ERI1: variants seen among roughly 807,000 people sequenced by gnomAD.
The protein encoded by ERI1 is 3'-5' exoribonuclease 1.
A neutral mutation model predicts 39.7 loss-of-function variants in ERI1; 39 were observed. The observed-to-expected ratio is 0.98, with a 90% CI of 0.76 to 1.28. The LOEUF (loss-of-function observed/expected upper bound fraction) is 1.28, where lower values mean the gene tolerates loss of function less well. Among genes scored for constraint, ERI1 ranks in the 50% most tolerant of loss-of-function variants. ERI1 has a pLI of 0.00. For missense variants in ERI1, 581 were observed against 416.9 expected (o/e 1.39, Z -3.43); for synonymous variants, 204 against 149.6 (o/e 1.36, Z -2.65).
chr8:9,051,180 A>G (rs551931996), intron 3 of ERI1, among the ~76,000 whole-genome samples: 2 of 151,918 alleles, frequency 1.3e-5, no homozygotes, highest in South Asian at 2.1e-4. Flanking sequence ...ATGAATATAT[A>G]TATATATGAA....
At chr8:9,077,426 T>G (rs1585288613) in intron 3 of ERI1, among the ~76,000 whole-genome samples, 1 of 152,066 alleles carries the variant, frequency 6.6e-6, no homozygotes, top group East Asian at 1.9e-4. Flanking sequence ...GCATACAAAT[T>G]TATCATGTGC....
chr8:9,011,402 C>T (rs747338115), intron 2 of ERI1, 140 bp from the exon 3 acceptor site: 12 of 494,828 alleles, frequency 2.4e-5, no homozygotes, highest in African/African-American at 3.8e-5. Context: ...TTGAGTCTTG[C>T]TTTTCTTACA....
At position 9,031,030 on chromosome 8, in the gene ERI1, A is replaced by G. The variant is rs960643470; in HGVS notation, c.*996A>G. The G allele has an allele frequency of 5.3e-5, 8 of 152,194 alleles. No individual in the cohort carries two copies. The highest frequency in any genetic ancestry group is 9.7e-5 in the African/African-American group (4 of 41,444). 9.4% of individuals were successfully genotyped at this position (152,194 alleles called of 1,614,324 possible). A position where few individuals can be genotyped will look rare whatever the true frequency, so the allele number is the denominator to read the frequency against. ...TATTGAGTAATTCTTAACTAATTCT[A>G]AAAACTAAAATGTGCATTTCGACTT... is the stretch of plus-strand genomic sequence containing the variant. On this transcript the variant is annotated 3_prime_UTR_variant, in exon 7 of 7. Coordinates refer to ENST00000250263, the MANE Select transcript of ERI1 (RefSeq NM_153332.4).
intron 3 of ERI1, among the ~76,000 whole-genome samples, chr8:9,039,615 T>C (rs1007332048): frequency 2.0e-5 from 3 of 152,234 alleles, no homozygotes; most frequent in Admixed American, 6.5e-5. Context: ...AGGCAAGATA[T>C]TCTTTCAATA....
chr8:9,016,987 A>G (rs1433689981), intron 4 of ERI1, among the ~76,000 whole-genome samples: 1 of 151,978 alleles, frequency 6.6e-6, no homozygotes, highest in African/African-American at 2.4e-5. Flanking sequence ...CCAGCCAGAG[A>G]TAAGTTTTAG....
chr8:9,050,458 G>A lies in ERI1; in HGVS notation n.299+29994G>A, dbSNP rs756647802. On this transcript the variant is annotated intron_variant and non_coding_transcript_variant, in intron 3 of 3. Transcript: ENST00000518663. ...GGAAGTCGATGTTGCAGTGAGCTGA[G>A]ACGGTGCCATTACACTCCAGCCTGG... is the stretch of plus-strand genomic sequence containing the variant. Among the ~76,000 whole-genome samples, 215 of 151,140 alleles carry A rather than the reference G, an allele frequency of 1.4e-3. 1 individual carries two copies. Among genetic ancestry groups the A allele is most frequent in the Middle Eastern group, 3.4e-3 (1 of 294 alleles).
rs968354836 is a variant in ERI1, at chr8:9,019,671, G to A, written c.693-679G>A. On this transcript the variant is annotated intron_variant, in intron 5 of 6. Transcript: ENST00000250263. ...TTGTACAGAAGCACTAGTGTCCTGG[G>A]GACATACACTTATTTTTAATTTTCT... is the stretch of plus-strand genomic sequence containing the variant. Among the ~76,000 whole-genome samples, 3 of 152,074 alleles carry A rather than the reference G, an allele frequency of 2.0e-5. No individual in the cohort carries two copies. In the South Asian group the frequency reaches 6.2e-4, roughly 32 times the overall value.
At chr8:9,068,431 G>T (rs981988269) in intron 3 of ERI1, among the ~76,000 whole-genome samples, 1 of 152,076 alleles carries the variant, frequency 6.6e-6, no homozygotes, top group Admixed American at 6.6e-5. Context: ...AGAACCTCTG[G>T]GCTCAAGTGA....
intron 2 of ERI1, among the ~76,000 whole-genome samples, chr8:9,009,492 G>C (rs542475540): frequency 3.3e-5 from 5 of 152,182 alleles, no homozygotes; most frequent in Non-Finnish European, 7.3e-5. Flanking sequence ...TTCTTCACCT[G>C]TTGTGCAACC....
chr8:9,067,950 G>T (rs1292205131), intron 3 of ERI1, among the ~76,000 whole-genome samples: 2 of 143,872 alleles, frequency 1.4e-5, no homozygotes, highest in African/African-American at 5.1e-5. Context: ...ACACATATAT[G>T]TATATACACA....
At chr8:9,014,619 C>T (rs749039355) in intron 3 of ERI1, among the ~76,000 whole-genome samples, 5 of 152,144 alleles carry the variant, frequency 3.3e-5, no homozygotes, top group Non-Finnish European at 7.4e-5. Flanking sequence ...TATTTAGTAG[C>T]GAATAACATT....
At chr8:9,021,607 C>A (rs62495539) in intron 6 of ERI1, among the ~76,000 whole-genome samples, 39,232 of 151,930 alleles carry the variant, frequency 0.26, 5,553 homozygotes, top group Non-Finnish European at 0.32. Flanking sequence ...ACTTAACTCC[C>A]TTCCTTCCTC....
At chr8:9,098,333 A>T (rs1282205594) in intron 3 of ERI1, among the ~76,000 whole-genome samples, 1 of 152,264 alleles carries the variant, frequency 6.6e-6, no homozygotes, top group Non-Finnish European at 1.5e-5. Context: ...CAGCCTGGCC[A>T]ACATGGTGAA....
intron 6 of ERI1, among the ~76,000 whole-genome samples, chr8:9,024,913 A>G (rs188394758): frequency 2.7e-4 from 40 of 150,470 alleles, no homozygotes; most frequent in Middle Eastern, 3.4e-3. Flanking sequence ...AAATTAGACA[A>G]TTTCTGCCTT....
In ERI1 at chr8:9,064,035, G is replaced by C. The variant is rs1323158672; in HGVS notation, n.299+43571G>C. On this transcript the variant is annotated intron_variant and non_coding_transcript_variant, in intron 3 of 3. Transcript: ENST00000518663. ...CTCCAGAAAAGCAGGAAAGGGGTTG[G>C]GGTGTGTAAATAAGGGGTTGGGGCA... 2.0e-5 allele frequency among the ~76,000 whole-genome samples: 3 copies of C among 152,046 alleles called. No individual in the cohort carries two copies. In the South Asian group the frequency reaches 6.2e-4, roughly 32 times the overall value.
chr8:9,081,536 C>A (rs945595080), intron 3 of ERI1, among the ~76,000 whole-genome samples: 2 of 152,150 alleles, frequency 1.3e-5, no homozygotes, highest in African/African-American at 4.8e-5. Context: ...CATCCTTCCC[C>A]TGATATGTTC....
At chr8:9,079,843 G>A (rs558470008) in intron 3 of ERI1, among the ~76,000 whole-genome samples, 1 of 152,082 alleles carries the variant, frequency 6.6e-6, no homozygotes, top group South Asian at 2.1e-4. Flanking sequence ...GGTAATTTTT[G>A]TATTTTTTGT....
chr8:9,014,012 C>T (rs1816963101), intron 3 of ERI1, among the ~76,000 whole-genome samples: 1 of 152,176 alleles, frequency 6.6e-6, no homozygotes, highest in South Asian at 2.1e-4. Context: ...AAAAACTGGC[C>T]AGAGTAATCC....
chr8:9,011,501 A>G, intron 2 of ERI1, 41 bp from the exon 3 acceptor site: 2 of 1,401,910 alleles, frequency 1.4e-6, no homozygotes, highest in Middle Eastern at 4.0e-4. Flanking sequence ...TCTTGACTGT[A>G]GAATTTACCT....
Sources: allele counts gnomAD v4.1 joint callset (sites outside exome capture counted in the v4.1 genomes callset), GRCh38; gene constraint gnomAD v4.1.1; transcripts MANE v1.5; gene names NCBI Gene and HGNC (gene_info 2026-07-23, HGNC 2026-07-21).